The following ZPBP variants were observed in gnomAD, a reference collection of about 807,000 sequenced individuals.
ZPBP encodes the protein zona pellucida binding protein.
Under a neutral mutation model 44.8 loss-of-function variants are expected in ZPBP, and 26 were observed. The observed-to-expected ratio is 0.58, with a 90% CI of 0.43 to 0.81. ZPBP has a LOEUF of 0.81. Among genes scored for constraint, ZPBP ranks in the 30% least tolerant of loss-of-function variants. The pLI is 0.00. For missense variants in ZPBP, 409 were observed against 434.0 expected, an observed-to-expected ratio of 0.94 and a Z score of 0.51; for synonymous variants, 174 against 153.2, an observed-to-expected ratio of 1.14 and a Z score of -1.00.
chr7:49,943,611 C>A, intron 7 of ZPBP: 2 of 349,004 alleles, frequency 5.7e-6, no homozygotes, highest in South Asian at 2.6e-5. Flanking sequence ...TTGGCTAATC[C>A]AAGGAGAGGA....
intron 2 of ZPBP, among the ~76,000 whole-genome samples, chr7:49,894,951 G>A (rs1205226646): frequency 6.6e-6 from 1 of 152,174 alleles, no homozygotes; most frequent in African/African-American, 2.4e-5. Context: ...TTTAAGGGAT[G>A]GAAGATGGCT....
intron 7 of ZPBP, among the ~76,000 whole-genome samples, chr7:49,971,704 A>T (rs1325052406): frequency 2.0e-5 from 3 of 152,246 alleles, no homozygotes; most frequent in East Asian, 3.9e-4. Flanking sequence ...AATCCTTTAC[A>T]AACAATCTGA....
intron 3 of ZPBP, among the ~76,000 whole-genome samples, chr7:50,072,381 T>A (rs1241903766): frequency 6.6e-6 from 1 of 152,234 alleles, no homozygotes; most frequent in Non-Finnish European, 1.5e-5. Flanking sequence ...CTCTAGTCCC[T>A]GAATCCCAGA....
intron 6 of ZPBP, among the ~76,000 whole-genome samples, chr7:50,004,321 C>A (rs751175633): frequency 2.0e-5 from 3 of 151,994 alleles, no homozygotes; most frequent in Non-Finnish European, 1.5e-5. Context: ...AGCCTTTGGA[C>A]TCAGGGACTG....
intron 3 of ZPBP, among the ~76,000 whole-genome samples, chr7:50,069,300 C>T (rs999406930): frequency 1.3e-5 from 2 of 152,064 alleles, no homozygotes; most frequent in African/African-American, 4.8e-5. Context: ...TTTGTCTCAG[C>T]TTCTGGGGCA....
At chr7:49,982,324 T>TTA (rs1227312193) in intron 7 of ZPBP, among the ~76,000 whole-genome samples, 15 of 61,410 alleles carry the variant, frequency 2.4e-4, no homozygotes, top group African/African-American at 9.2e-4. Flanking sequence ...TAATATATAA[T>TTA]TATATAATAT....
Position 49,931,557 on chromosome 7 carries a change from G to A in ZPBP, n.411+4194C>T, listed in dbSNP as rs935413400. Among the ~76,000 whole-genome samples the A allele has an allele frequency of 4.6e-5, 7 of 152,118 alleles. No homozygotes were observed. The East Asian group carries it at 5.8e-4, about 13-fold the overall frequency. ...TTTGAACTTGAGAGAGATGATTTAC[G>A]GTACCCAGTGGAAGAACCTTCTAAG... On this transcript the variant is annotated intron_variant and non_coding_transcript_variant, in intron 1 of 2. Coordinates refer to the ZPBP transcript ENST00000465922.
chr7:50,064,157 G>A (rs947607830), intron 3 of ZPBP, among the ~76,000 whole-genome samples: 101 of 152,256 alleles, frequency 6.6e-4, no homozygotes, highest in Admixed American at 1.6e-3. Flanking sequence ...GACATCACAC[G>A]TTGGTAGGAT....
chr7:50,032,144 G>T lies in ZPBP; in HGVS notation c.488-834C>A, dbSNP rs145663991. 5.8e-3 allele frequency among the ~76,000 whole-genome samples: 888 copies of T among 152,236 alleles called. 6 individuals are homozygous for T. The highest frequency in any genetic ancestry group is 0.02 in the African/African-American group (830 of 41,534). ...TGTCCATCTTTGTATTTGGAGTAGA[G>T]ACCAGACAGCTTCTAATTGCTGAGG... On this transcript the variant is annotated intron_variant, in intron 4 of 7. Coordinates refer to ENST00000046087, the MANE Select transcript of ZPBP (RefSeq NM_007009.3).
chr7:49,865,842 T>A (rs1790862346), intron 2 of ZPBP, among the ~76,000 whole-genome samples: 4 of 152,136 alleles, frequency 2.6e-5, no homozygotes, highest in Admixed American at 2.6e-4. Context: ...GCAACCTCAG[T>A]CTCAAAGTCC....
At chr7:49,899,502 A>T (rs1792591171) in intron 2 of ZPBP, among the ~76,000 whole-genome samples, 1 of 152,056 alleles carries the variant, frequency 6.6e-6, no homozygotes. Context: ...GTTAAGACTA[A>T]TCAAAATAAA....
chr7:50,059,751 A>T (rs1801154211), intron 3 of ZPBP, among the ~76,000 whole-genome samples: 1 of 152,208 alleles, frequency 6.6e-6, no homozygotes. Flanking sequence ...ATATACCTAA[A>T]TGCCTACTAC....
chr7:49,852,843 A>G (rs1305527265), intron 2 of ZPBP, among the ~76,000 whole-genome samples: 3 of 152,180 alleles, frequency 2.0e-5, no homozygotes, highest in African/African-American at 2.4e-5. Context: ...CCATCTAGTG[A>G]CTGGCTCCTT....
intron 2 of ZPBP, among the ~76,000 whole-genome samples, chr7:49,885,355 T>A (rs1332584344): frequency 6.6e-6 from 1 of 152,064 alleles, no homozygotes; most frequent in Non-Finnish European, 1.5e-5. Context: ...TTAAAAAATA[T>A]CTCTGAAAGT....
chr7:49,992,579 C>A (rs565313090), intron 6 of ZPBP, among the ~76,000 whole-genome samples: 4 of 151,648 alleles, frequency 2.6e-5, no homozygotes, highest in African/African-American at 9.7e-5. Flanking sequence ...AAAAATATTA[C>A]AATAGTATAA....
At chr7:49,877,481 A>AAAAAAT in intron 2 of ZPBP, among the ~76,000 whole-genome samples, 1 of 12,722 alleles carries the variant, frequency 7.9e-5, no homozygotes, top group East Asian at 5.5e-3. Flanking sequence ...AAAAAAAAAA[A>AAAAAAT]ATATATATAT....
intron 2 of ZPBP, among the ~76,000 whole-genome samples, chr7:49,876,432 T>C (rs1253971682): frequency 7.2e-5 from 11 of 152,128 alleles, no homozygotes; most frequent in Non-Finnish European, 7.4e-5. Flanking sequence ...ACAGCACCTG[T>C]CTCCTAGAGT....
chr7:50,069,534 C>T (rs543411398), intron 3 of ZPBP, among the ~76,000 whole-genome samples: 15 of 152,340 alleles, frequency 9.8e-5, no homozygotes, highest in African/African-American at 1.7e-4. Flanking sequence ...TTAAAACACA[C>T]GACCAATTTC....
chr7:49,849,078 G>A (rs200418639), downstream of ZPBP, among the ~76,000 whole-genome samples: 3 of 152,038 alleles, frequency 2.0e-5, no homozygotes, highest in African/African-American at 4.8e-5. Flanking sequence ...CGCTTCCCTC[G>A]CATTTCTTGT....
Sources: gnomAD v4.1 joint callset for allele counts (sites outside exome capture counted in the v4.1 genomes callset) on GRCh38, gnomAD v4.1.1 for gene constraint, MANE v1.5 for transcripts, NCBI Gene and HGNC (gene_info 2026-07-23, HGNC 2026-07-21) for gene names.